LEMD2: variants seen among roughly 807,000 people sequenced by gnomAD.
LEMD2 encodes LEM domain nuclear envelope protein 2.
A neutral mutation model predicts 58.8 loss-of-function variants in LEMD2; 34 were observed. That is an observed-to-expected ratio of 0.58 (90% confidence interval 0.44 to 0.77). The LOEUF (loss-of-function observed/expected upper bound fraction) is 0.77. Ranked by LOEUF, LEMD2 falls within the 30% of genes least tolerant of loss-of-function variation. The pLI is 0.00. For synonymous variants in LEMD2, 298 were observed against 308.9 expected (o/e 0.96, Z 0.37); for missense variants, 629 against 717.9 (o/e 0.88, Z 1.42).
At chr6:33,782,201 T>C (rs943475) in intron 3 of LEMD2, 75,605 of 152,292 alleles carry the variant, frequency 0.5, 19,745 homozygotes, top group East Asian at 0.82. Context: ...ACCACGTAGA[T>C]GGCCTCTCGA....
chr6:33,771,907 A>T lies in LEMD2; in HGVS notation c.*721T>A, dbSNP rs1236182440. Reference sequence around the variant, plus strand: ...GGCTGCAGGCCTGGTCTAGAGTCGCAGCTTCTGTGAGAAGCAACACTGAGG... The same window carrying T: ...GGCTGCAGGCCTGGTCTAGAGTCGCTGCTTCTGTGAGAAGCAACACTGAGG... On this transcript the variant is annotated 3_prime_UTR_variant, in exon 9 of 9. Coordinates refer to ENST00000293760, the MANE Select transcript of LEMD2 (RefSeq NM_181336.4). The T allele has an allele frequency of 1.3e-5, 2 of 152,272 alleles. No individual in the cohort carries two copies. The highest frequency in any genetic ancestry group is 2.9e-5 in the Non-Finnish European group (2 of 68,092). 9.4% of individuals were successfully genotyped at this position (152,272 alleles called of 1,614,324 possible).
Position 33,786,887 on chromosome 6 carries a change from G to C in LEMD2, c.737-113C>G. On this transcript the variant is annotated intron_variant, in intron 1 of 8. Transcript: ENST00000293760. ...GTAAAGCATTACCAAGCCAAGGGTG[G>C]GGATTAGAAAGATGTCATCTAAGGA... The C allele has an allele frequency of 3.3e-6, 5 of 1,519,686 alleles. No homozygotes were observed. The African/African-American group carries it at 7.0e-5, about 21-fold the overall frequency. 94.1% of individuals were successfully genotyped at this position (1,519,686 alleles called of 1,614,324 possible).
intron 3 of LEMD2, among the ~76,000 whole-genome samples, chr6:33,782,420 T>C (rs1463506227): frequency 6.6e-6 from 1 of 152,224 alleles, no homozygotes; most frequent in Non-Finnish European, 1.5e-5. Context: ...CCATCTATGG[T>C]AGGGCCCAAC....
chr6:33,789,072 G>C lies in LEMD2; in HGVS notation c.45C>G (p.Ala15=), dbSNP rs1767762800. 1 of 1,545,034 alleles carries C rather than the reference G, an allele frequency of 6.5e-7. No homozygotes were observed. The highest frequency in any genetic ancestry group is 8.7e-7 in the Non-Finnish European group (1 of 1,155,156). Reference sequence around the variant, plus strand: ...TGATGGGTCCTGGCTGGAAGCCCAGGGCCTGCAGCTCCCGCCGCAGTTCCA... The same window carrying C: ...TGATGGGTCCTGGCTGGAAGCCCAGCGCCTGCAGCTCCCGCCGCAGTTCCA... ...SDLELRRELQ[A]LGFQPGPITD... The change falls in exon 1 of 9, where the codon GCC becomes GCG. Residue 15 remains alanine, a synonymous_variant. Transcript: ENST00000293760.
rs377525478 is a variant in LEMD2, at chr6:33,789,111, G to T, written c.6C>A (p.Ala2=). M[A]GLSDLELRRE... Reference sequence around the variant, plus strand: ...GCCGCAGTTCCAGGTCCGACAGGCCGGCCATGGCCAGGACGCCGCCCCCCG... The same window carrying T: ...GCCGCAGTTCCAGGTCCGACAGGCCTGCCATGGCCAGGACGCCGCCCCCCG... Residue 2 remains alanine, a synonymous_variant, in exon 1 of 9, where the codon GCC becomes GCA. Transcript: ENST00000293760. The T allele has an allele frequency of 2.6e-6, 4 of 1,527,568 alleles. No homozygotes were observed. The highest frequency in any genetic ancestry group is 5.4e-5 in the East Asian group (2 of 36,886). 94.6% of individuals were successfully genotyped at this position (1,527,568 alleles called of 1,614,324 possible). A position where few individuals can be genotyped will look rare whatever the true frequency, so the allele number is the denominator to read the frequency against.
At chr6:33,783,686 A>AG (rs1767612501) in intron 3 of LEMD2, among the ~76,000 whole-genome samples, 1 of 152,226 alleles carries the variant, frequency 6.6e-6, no homozygotes. Flanking sequence ...ATAAAACAGT[A>AG]GGGGATGCAT....
At chr6:33,784,605 T>C (rs1767634848) in intron 2 of LEMD2, 178 bp from the exon 3 acceptor site, 8 of 567,108 alleles carry the variant, frequency 1.4e-5, no homozygotes, top group East Asian at 5.8e-5. Context: ...TTGATAAATA[T>C]TGGGTTAACT....
intron 3 of LEMD2, among the ~76,000 whole-genome samples, chr6:33,783,245 A>C (rs1185516784): frequency 6.6e-6 from 1 of 152,174 alleles, no homozygotes; most frequent in Non-Finnish European, 1.5e-5. Context: ...AATTCCTATG[A>C]TGCTGTGAGC....
At position 33,772,698 on chromosome 6, in the gene LEMD2, C is replaced by T. The variant is rs1767330522; in HGVS notation, c.1442G>A (p.Arg481His). 1.2e-6 allele frequency: 2 copies of T among 1,613,918 alleles called. No individual in the cohort carries two copies. The highest frequency in any genetic ancestry group is 1.7e-6 in the Non-Finnish European group (2 of 1,180,014). The change falls in exon 9 of 9, where the codon CGC becomes CAC. Residue 481 changes from arginine to histidine, a missense_variant. Physicochemically the swap from Arg to His is conservative, Grantham distance 29. Around this residue, in one of 2 missense-constraint regions of LEMD2, gnomAD observed 243 missense variants for 336.8 expected, o/e 0.72. Coordinates refer to ENST00000293760, the MANE Select transcript of LEMD2 (RefSeq NM_181336.4). The part of the protein sequence containing the change: ...NESRIQTESH[R>H]VAGEDMLVWR... ...CACCAGCATGTCCTCTCCTGCAACG[C>T]GGTGGGACTCCGTCTGGATCCGGGA...
intron 1 of LEMD2, 82 bp from the exon 2 acceptor site, chr6:33,786,856 G>A (rs997340197): frequency 4.4e-5 from 70 of 1,589,518 alleles, no homozygotes; most frequent in Non-Finnish European, 5.5e-5. Context: ...ACAACATTTG[G>A]AGGGAGTAAA....
At position 33,777,045 on chromosome 6, in the gene LEMD2, C is replaced by A. The variant is rs1447155078; in HGVS notation, c.1270G>T (p.Asp424Tyr). Reference protein sequence around the residue: ...MVKKIIDVVQDHYVDWEQDME... With the variant: ...MVKKIIDVVQYHYVDWEQDME... ...TCCTGCTCCCAGTCCACGTAATGGT[C>A]CTGGACCACGTCTGCAGGAGAGAGC... The change falls in exon 8 of 9, where the codon GAC (aspartate) becomes TAC (tyrosine). Residue 424 changes from aspartate to tyrosine, a missense_variant. Around this residue, in one of 2 missense-constraint regions of LEMD2, gnomAD observed 243 missense variants for 336.8 expected, o/e 0.72. Transcript: ENST00000293760. 1 of 1,613,954 alleles carries A rather than the reference C, an allele frequency of 6.2e-7. No individual in the cohort carries two copies. Among genetic ancestry groups the A allele is most frequent in the Non-Finnish European group, 8.5e-7 (1 of 1,179,940 alleles).
chr6:33,777,154 C>T lies in LEMD2; in HGVS notation c.1242G>A (p.Met414Ile), dbSNP rs771933127. 3.7e-6 allele frequency: 6 copies of T among 1,614,128 alleles called. No individual in the cohort carries two copies. The South Asian group carries it at 6.6e-5, about 18-fold the overall frequency. ...LEEEEQAMYE[M>I]VKKIIDVVQD... ...GCCACGCACCTATAATCTTCTTCAC[C>T]ATCTCATACATGGCTTGTTCCTCCT... Residue 414 changes from methionine (M) to isoleucine (I), a missense_variant, in exon 7 of 9, where the codon ATG becomes ATA. Coordinates refer to ENST00000293760, the MANE Select transcript of LEMD2 (RefSeq NM_181336.4).
Position 33,771,216 on chromosome 6 carries a change from G to C in LEMD2, c.*1412C>G, listed in dbSNP as rs573886827. On this transcript the variant is annotated 3_prime_UTR_variant, in exon 9 of 9. Coordinates refer to ENST00000293760, the MANE Select transcript of LEMD2 (RefSeq NM_181336.4). Reference sequence around the variant, plus strand: ...AAAGAACCATGGGCAAGAAACATCCGTTTTTAATAAATAGTTTATTCATCC... The same window carrying C: ...AAAGAACCATGGGCAAGAAACATCCCTTTTTAATAAATAGTTTATTCATCC... 6.6e-6 allele frequency: 1 copy of C among 152,214 alleles called. No individual in the cohort carries two copies. The highest frequency in any genetic ancestry group is 1.5e-5 in the Non-Finnish European group (1 of 68,030). 9.4% of individuals were successfully genotyped at this position (152,214 alleles called of 1,614,324 possible).
In LEMD2 at chr6:33,777,062, G is replaced by T. The variant is rs747917362; in HGVS notation, c.1259-6C>A. ...GTAATGGTCCTGGACCACGTCTGCA[G>T]GAGAGAGCACACCATTTAGGGCAAG... On this transcript the variant is annotated splice_polypyrimidine_tract_variant and splice_region_variant and intron_variant, in intron 7 of 8. Transcript: ENST00000293760. The T allele has an allele frequency of 6.2e-6, 10 of 1,613,496 alleles. No individual in the cohort carries two copies. Among genetic ancestry groups the T allele is most frequent in the Non-Finnish European group, 8.5e-6 (10 of 1,179,500 alleles).
chr6:33,774,168 CTTT>C (rs11349649), intron 8 of LEMD2, among the ~76,000 whole-genome samples: 9 of 115,350 alleles, frequency 7.8e-5, no homozygotes, highest in Non-Finnish European at 8.9e-5. Context: ...TAGGCACTGA[CTTT>C]TTTTTTTTTT....
rs775089257 is a variant in LEMD2, at chr6:33,788,979, G to C, written c.138C>G (p.Asp46Glu). 3.2e-6 allele frequency: 5 copies of C among 1,541,132 alleles called. No individual in the cohort carries two copies. The East Asian group carries it at 1.3e-4, about 41-fold the overall frequency. Residue 46 changes from aspartate (D) to glutamate (E), a missense_variant, in exon 1 of 9, where the codon GAC becomes GAG. Asp to Glu is a conservative substitution (Grantham distance 45). Transcript: ENST00000293760. ...RRLRGEARLR[D>E]EERLREEARP... ...GGGCCTCCTCCCGCAGCCGCTCCTCGTCGCGCAGCCGGGCCTCGCCCCGCA... is the reference window on the plus strand; with the variant it reads ...GGGCCTCCTCCCGCAGCCGCTCCTCCTCGCGCAGCCGGGCCTCGCCCCGCA...
At chr6:33,781,409 C>A in intron 3 of LEMD2, 1 of 477,076 alleles carries the variant, frequency 2.1e-6, no homozygotes, top group East Asian at 3.4e-5. Context: ...TGCCCAATAG[C>A]AAGGTCTCTT....
rs1241558340 is a variant in LEMD2 at position 33,771,940 on chromosome 6, G to C, written c.*688C>G. ...TGAGAAGCAACACTGAGGCGGGCCC[G>C]CCCGCCCTGGGGCTGCCCGACCCTC... is the stretch of plus-strand genomic sequence containing the variant. On this transcript the variant is annotated 3_prime_UTR_variant, in exon 9 of 9. Coordinates refer to ENST00000293760, the MANE Select transcript of LEMD2 (RefSeq NM_181336.4). 1.3e-5 allele frequency: 1 copy of C among 76,300 alleles called. No individual in the cohort carries two copies. Among genetic ancestry groups the C allele is most frequent in the African/African-American group, 3.2e-5 (1 of 31,174 alleles). 4.7% of individuals were successfully genotyped at this position (76,300 alleles called of 1,614,324 possible). A position where few individuals can be genotyped will look rare whatever the true frequency, so the allele number is the denominator to read the frequency against.
chr6:33,778,405 G>A lies in LEMD2; in HGVS notation c.1011-18C>T, dbSNP rs373973032. On this transcript the variant is annotated intron_variant, in intron 5 of 8. Transcript: ENST00000293760. The surrounding 1 kb of genome is among the most constrained non-coding windows in gnomAD (Gnocchi z 4.7). ...CTTTCAACCTGAAACAGGACACAGG[G>A]CTCTGAACATGTTGGAAAGCTCCAA... The A allele has an allele frequency of 1.3e-4, 197 of 1,489,178 alleles. 1 individual carries two copies. In the South Asian group the frequency reaches 2.5e-3, roughly 19 times the overall value. 92.2% of individuals were successfully genotyped at this position (1,489,178 alleles called of 1,614,324 possible).
Sources: allele counts gnomAD v4.1 joint callset (sites outside exome capture counted in the v4.1 genomes callset), GRCh38; gene constraint gnomAD v4.1.1; regional missense constraint gnomAD v4.1.1; non-coding constraint Gnocchi (gnomAD v3.1); transcripts MANE v1.5; gene names NCBI Gene and HGNC (gene_info 2026-07-23, HGNC 2026-07-21).